The following VPS50 variants were observed in gnomAD, a reference collection of about 807,000 sequenced individuals.
The protein encoded by VPS50 is syndetin.
VPS50 carries 70 observed loss-of-function variants against 139.7 expected under a neutral mutation model. That is an observed-to-expected ratio of 0.50 (90% CI 0.41 to 0.61). The LOEUF (loss-of-function observed/expected upper bound fraction) is 0.61. Among genes scored for constraint, VPS50 ranks in the 20% least tolerant of loss-of-function variants. VPS50 has a pLI of 0.00. For synonymous variants in VPS50, 365 were observed against 376.7 expected (o/e 0.97, Z 0.36); for missense variants, 921 against 1,133.7 (o/e 0.81, Z 2.69).
At position 93,356,007 on chromosome 7, in the gene VPS50, A is replaced by C; in HGVS notation, c.2702A>C (p.Glu901Ala). Residue 901 changes from glutamate to alanine, a missense_variant, in exon 27 of 28, where the codon GAA becomes GCA. Glu to Ala is a moderately radical substitution (Grantham distance 107). Around this residue, in one of 3 missense-constraint regions of VPS50, gnomAD observed 158 missense variants for 156.3 expected, o/e 1.01. Transcript: ENST00000305866. Reference sequence around the variant, plus strand: ...GATATTAGACCCATTCCTGATAAAGAATTTGTAGAAACTTATATTAAAGCT... The same window carrying C: ...GATATTAGACCCATTCCTGATAAAGCATTTGTAGAAACTTATATTAAAGCT... ...LTDIRPIPDK[E>A]FVETYIKAYY... 1.3e-6 allele frequency: 2 copies of C among 1,583,838 alleles called. No homozygotes were observed. Among genetic ancestry groups the C allele is most frequent in the East Asian group, 4.5e-5 (2 of 44,568 alleles).
At chr7:93,353,606 A>G (rs1359755944) in intron 25 of VPS50, 34 bp from the exon 26 acceptor site, 1 of 1,589,836 alleles carries the variant, frequency 6.3e-7, no homozygotes, top group Non-Finnish European at 8.5e-7. Flanking sequence ...CATTTTAATG[A>G]TATTCACAAA....
intron 12 of VPS50, among the ~76,000 whole-genome samples, chr7:93,288,395 A>G (rs1001000125): frequency 6.6e-6 from 1 of 152,176 alleles, no homozygotes; most frequent in African/African-American, 2.4e-5. Context: ...GGACATTTAA[A>G]TATATTTCAG....
At chr7:93,232,818 C>T (rs964876041) in intron 1 of VPS50, among the ~76,000 whole-genome samples, 3 of 152,188 alleles carry the variant, frequency 2.0e-5, no homozygotes, top group Non-Finnish European at 1.5e-5. Flanking sequence ...AGGTCTTCCG[C>T]ATCCAGGCTG....
intron 24 of VPS50, 30 bp downstream of exon 24, chr7:93,348,837 C>T (rs1353959612): frequency 1.4e-6 from 2 of 1,413,558 alleles, no homozygotes; most frequent in Non-Finnish European, 2.0e-6. Flanking sequence ...GTCATTTCAA[C>T]TGTGAGGAAG....
At chr7:93,307,552 T>C (rs1797152006) in intron 18 of VPS50, among the ~76,000 whole-genome samples, 1 of 151,906 alleles carries the variant, frequency 6.6e-6, no homozygotes, top group Non-Finnish European at 1.5e-5. Context: ...TGCACGTTTA[T>C]GACTGACTCC....
Position 93,291,828 on chromosome 7 carries a change from A to G in VPS50, c.1068A>G (p.Ser356=), listed in dbSNP as rs1447517969. 2.5e-6 allele frequency: 4 copies of G among 1,575,072 alleles called. No homozygotes were observed. The highest frequency in any genetic ancestry group is 2.4e-5 in the South Asian group (2 of 84,242). ...HEKHDNEDTA[S]ASEGSNMIGT... ...AGCATGACAATGAGGATACTGCTTC[A>G]GCTTCTGGTAGGAAAATATTTTTAT... is the stretch of plus-strand genomic sequence containing the variant. The change falls in exon 13 of 28, where the codon TCA becomes TCG. Residue 356 remains serine, a synonymous_variant. Coordinates refer to ENST00000305866, the MANE Select transcript of VPS50 (RefSeq NM_017667.4).
chr7:93,355,264 G>A (rs1798673732), intron 26 of VPS50, among the ~76,000 whole-genome samples: 1 of 152,040 alleles, frequency 6.6e-6, no homozygotes, highest in African/African-American at 2.4e-5. Context: ...TTGACTTAAT[G>A]AGCAATAAAG....
In VPS50 at chr7:93,243,440, A is replaced by G. The variant is rs192187485; in HGVS notation, c.102+3506A>G. Among the ~76,000 whole-genome samples, 356 of 152,062 alleles carry G rather than the reference A, an allele frequency of 2.3e-3. 1 individual carries two copies. Among genetic ancestry groups the G allele is most frequent in the African/African-American group, 8.2e-3 (341 of 41,526 alleles). On this transcript the variant is annotated intron_variant, in intron 2 of 27. Coordinates refer to ENST00000305866, the MANE Select transcript of VPS50 (RefSeq NM_017667.4). ...CCAGGTTTGGGAACCAATGGCCAAGATGAGAATATTATCTCAAGAATGGAG... is the reference window on the plus strand; with the variant it reads ...CCAGGTTTGGGAACCAATGGCCAAGGTGAGAATATTATCTCAAGAATGGAG...
chr7:93,308,869 A>G lies in VPS50; in HGVS notation c.1675A>G (p.Ser559Gly). Residue 559 changes from serine (S) to glycine (G), a missense_variant, in exon 19 of 28, where the codon AGT (serine) becomes GGT (glycine). Ser to Gly is a moderately conservative substitution (Grantham distance 56). Transcript: ENST00000305866. ...AAAGAGTGCCTATCAAGAGTATGACAGTGACAGTGATGTTCCTGAGGAACT... is the reference window on the plus strand; with the variant it reads ...AAAGAGTGCCTATCAAGAGTATGACGGTGACAGTGATGTTCCTGAGGAACT... ...QEKSAYQEYD[S>G]DSDVPEELKR... 1 of 1,608,390 alleles carries G rather than the reference A, an allele frequency of 6.2e-7. No homozygotes were observed. The highest frequency in any genetic ancestry group is 8.5e-7 in the Non-Finnish European group (1 of 1,175,454).
rs1798806327 is a variant in VPS50, at chr7:93,360,359, C to T, written c.*1923C>T. ...TTAACCTACCCTTACTTTGCTTTCT[C>T]CATCTTCAAAATGAAATGGTGGATC... On this transcript the variant is annotated 3_prime_UTR_variant, in exon 28 of 28. Transcript: ENST00000305866. The T allele has an allele frequency of 6.6e-6, 1 of 151,486 alleles. No homozygotes were observed. The highest frequency in any genetic ancestry group is 1.5e-5 in the Non-Finnish European group (1 of 67,926). 9.4% of individuals were successfully genotyped at this position (151,486 alleles called of 1,614,324 possible). A position where few individuals can be genotyped will look rare whatever the true frequency, so the allele number is the denominator to read the frequency against.
intron 21 of VPS50, among the ~76,000 whole-genome samples, chr7:93,332,811 C>G (rs1245085413): frequency 7.1e-6 from 1 of 140,668 alleles, no homozygotes; most frequent in African/African-American, 2.7e-5. Context: ...TACAAAATAC[C>G]ACCAGACTCA....
At chr7:93,240,245 A>ACACT (rs1554357002) in intron 2 of VPS50, among the ~76,000 whole-genome samples, 1 of 145,452 alleles carries the variant, frequency 6.9e-6, no homozygotes, top group Non-Finnish European at 1.5e-5. Context: ...ACACACACAC[A>ACACT]CACACTCTCT....
Position 93,253,772 on chromosome 7 carries a change from G to A in VPS50, c.226-88G>A. ...TGACACTGTTTTGTATGCACAGTTT[G>A]TAGTTCACTAGTCAGAAGGGTCCAG... On this transcript the variant is annotated intron_variant, in intron 3 of 27. Coordinates refer to ENST00000305866, the MANE Select transcript of VPS50 (RefSeq NM_017667.4). 8 of 705,548 alleles carry A rather than the reference G, an allele frequency of 1.1e-5. No homozygotes were observed. In the South Asian group the frequency reaches 1.4e-4, roughly 13 times the overall value. 43.7% of individuals were successfully genotyped at this position (705,548 alleles called of 1,614,324 possible).
intron 18 of VPS50, among the ~76,000 whole-genome samples, chr7:93,306,542 G>T (rs892321535): frequency 5.3e-5 from 8 of 151,920 alleles, no homozygotes; most frequent in Admixed American, 5.3e-4. Flanking sequence ...GTGTGAGTTA[G>T]TGGAAAGGAT....
At chr7:93,296,693 ATT>A (rs1211606387) in intron 14 of VPS50, 47 bp from the exon 15 acceptor site, 1 of 1,577,592 alleles carries the variant, frequency 6.3e-7, no homozygotes, top group East Asian at 2.3e-5. Context: ...CTGATAACTT[ATT>A]TTCTATATTT....
chr7:93,355,002 G>A (rs1265145303), intron 26 of VPS50, among the ~76,000 whole-genome samples: 1 of 151,884 alleles, frequency 6.6e-6, no homozygotes, highest in Non-Finnish European at 1.5e-5. Context: ...AACCAGCAGT[G>A]CTATAAATTA....
intron 2 of VPS50, among the ~76,000 whole-genome samples, chr7:93,246,289 C>T (rs1048727126): frequency 1.3e-5 from 2 of 151,910 alleles, no homozygotes; most frequent in Non-Finnish European, 2.9e-5. Context: ...TCAACACACA[C>T]ACACACATAC....
intron 12 of VPS50, among the ~76,000 whole-genome samples, chr7:93,279,400 T>TA (rs1796257833): frequency 1.3e-5 from 2 of 152,086 alleles, no homozygotes; most frequent in South Asian, 4.1e-4. Context: ...AGAGGAAAGA[T>TA]AGAGGAGCTG....
intron 21 of VPS50, among the ~76,000 whole-genome samples, chr7:93,327,411 G>C (rs1210241208): frequency 6.6e-6 from 1 of 152,118 alleles, no homozygotes; most frequent in Non-Finnish European, 1.5e-5. Context: ...GGAACCAAAT[G>C]GTTTTGGGCA....
Sources: allele counts gnomAD v4.1 joint callset (sites outside exome capture counted in the v4.1 genomes callset), GRCh38; gene constraint gnomAD v4.1.1; regional missense constraint gnomAD v4.1.1; transcripts MANE v1.5; gene names NCBI Gene and HGNC (gene_info 2026-07-23, HGNC 2026-07-21).